Variants in NEK10 observed in about 807,000 individuals in gnomAD.
The protein encoded by NEK10 is serine/threonine-protein kinase Nek10.
NEK10 carries 122 observed loss-of-function variants against 159.8 expected under a neutral mutation model. The ratio of observed to expected loss-of-function variants is 0.76; its 90% CI spans 0.66 to 0.89. The LOEUF (loss-of-function observed/expected upper bound fraction) is 0.89. NEK10 is among the 40% of genes least tolerant of loss of function. The pLI is 0.00. For missense variants in NEK10, 1,342 were observed against 1,323.1 expected, an observed-to-expected ratio of 1.01 and a Z score of -0.22; for synonymous variants, 466 against 457.1, an observed-to-expected ratio of 1.02 and a Z score of -0.25.
chr3:27,203,448 A>G (rs1950217807), intron 23 of NEK10, among the ~76,000 whole-genome samples: 1 of 152,194 alleles, frequency 6.6e-6, no homozygotes. Flanking sequence ...CGGTTCATGA[A>G]TCTATTTTTT....
At chr3:27,325,874 T>A (rs1302775764) in intron 5 of NEK10, among the ~76,000 whole-genome samples, 1 of 152,224 alleles carries the variant, frequency 6.6e-6, no homozygotes, top group African/African-American at 2.4e-5. Flanking sequence ...GCAGCTATGC[T>A]GCCCACCACA....
intron 32 of NEK10, among the ~76,000 whole-genome samples, chr3:27,121,800 T>C (rs1461537274): frequency 6.6e-6 from 1 of 152,084 alleles, no homozygotes. Flanking sequence ...TGGCAGGAGA[T>C]GTAATGTGGC....
At chr3:27,151,407 C>A (rs1330525187) in intron 30 of NEK10, among the ~76,000 whole-genome samples, 1 of 152,140 alleles carries the variant, frequency 6.6e-6, no homozygotes, top group Non-Finnish European at 1.5e-5. Flanking sequence ...AGAGACACAA[C>A]AATCACTGAG....
At chr3:27,167,670 T>C (rs1204325333) in intron 29 of NEK10, among the ~76,000 whole-genome samples, 5 of 152,136 alleles carry the variant, frequency 3.3e-5, no homozygotes, top group African/African-American at 1.2e-4. Context: ...TCCTAGCAAA[T>C]AGTAATAGAT....
At chr3:27,219,235 G>T (rs987143180) in intron 23 of NEK10, among the ~76,000 whole-genome samples, 5 of 152,220 alleles carry the variant, frequency 3.3e-5, no homozygotes, top group Non-Finnish European at 7.3e-5. Context: ...GTTTCCATGG[G>T]AGGGTGCAGC....
chr3:27,137,396 G>A (rs1943330492), intron 31 of NEK10, among the ~76,000 whole-genome samples: 1 of 152,014 alleles, frequency 6.6e-6, no homozygotes, highest in Admixed American at 6.6e-5. Context: ...AGCAAGACAG[G>A]CATATGAAAA....
intron 22 of NEK10, among the ~76,000 whole-genome samples, chr3:27,284,094 AG>A (rs1182117590): frequency 7.2e-5 from 11 of 152,206 alleles, no homozygotes; most frequent in African/African-American, 2.7e-4. Context: ...ATTAAAATTT[AG>A]TAAAATTTGG....
At chr3:27,283,931 GA>G (rs1453412328) in intron 22 of NEK10, among the ~76,000 whole-genome samples, 3 of 152,234 alleles carry the variant, frequency 2.0e-5, no homozygotes, top group East Asian at 3.9e-4. Flanking sequence ...TCTACAGTAA[GA>G]AAAAACCTGA....
intron 23 of NEK10, among the ~76,000 whole-genome samples, chr3:27,204,275 C>CTTTTTTTTTTTTTTTTTTGTTT (rs1950293127): frequency 1.6e-5 from 1 of 64,006 alleles, no homozygotes; most frequent in African/African-American, 5.5e-5. Flanking sequence ...GATAAATTTT[C>CTTTTTTTTTTTTTTTTTTGTTT]TTTTTTTTTT....
intron 30 of NEK10, among the ~76,000 whole-genome samples, chr3:27,152,314 C>A (rs1426218191): frequency 6.6e-6 from 1 of 152,162 alleles, no homozygotes; most frequent in African/African-American, 2.4e-5. Context: ...ACCCTACAAG[C>A]TAGAAGGGAT....
chr3:27,359,778 T>TA (rs1391135173), intron 1 of NEK10, among the ~76,000 whole-genome samples: 1 of 152,222 alleles, frequency 6.6e-6, no homozygotes, highest in East Asian at 1.9e-4. Flanking sequence ...GTTTCTATGT[T>TA]ACGTCTAAAA....
intron 1 of NEK10, among the ~76,000 whole-genome samples, chr3:27,359,548 G>A (rs2048540815): frequency 6.6e-6 from 1 of 152,184 alleles, no homozygotes; most frequent in Admixed American, 6.5e-5. Context: ...CTTTACTGTA[G>A]ATATTTTTCT....
At chr3:27,237,349 G>A (rs2149242885) in intron 23 of NEK10, among the ~76,000 whole-genome samples, 1 of 152,270 alleles carries the variant, frequency 6.6e-6, no homozygotes, top group African/African-American at 2.4e-5. Context: ...ATTAAAGACA[G>A]GCATAAGAAA....
At chr3:27,327,579 T>C (rs2046097321) in intron 5 of NEK10, among the ~76,000 whole-genome samples, 1 of 152,188 alleles carries the variant, frequency 6.6e-6, no homozygotes. Flanking sequence ...TTCAACTTCT[T>C]ACACAGTAAG....
chr3:27,259,791 C>T (rs1038867700), intron 22 of NEK10, among the ~76,000 whole-genome samples: 74 of 152,092 alleles, frequency 4.9e-4, no homozygotes, highest in Non-Finnish European at 8.7e-4. Context: ...TGGCATTGAA[C>T]CTATAAATTA....
At chr3:27,114,391 T>G (rs909206442) in intron 35 of NEK10, among the ~76,000 whole-genome samples, 9 of 152,198 alleles carry the variant, frequency 5.9e-5, no homozygotes, top group African/African-American at 2.2e-4. Flanking sequence ...GGTATATCTT[T>G]AGAAAATGAG....
intron 5 of NEK10, among the ~76,000 whole-genome samples, chr3:27,323,910 C>T (rs1355083500): frequency 1.3e-5 from 2 of 152,212 alleles, no homozygotes; most frequent in East Asian, 1.9e-4. Context: ...CAGCAGCTAG[C>T]AGCTACTCAA....
intron 5 of NEK10, among the ~76,000 whole-genome samples, chr3:27,331,948 A>T (rs1397980757): frequency 6.6e-6 from 1 of 152,206 alleles, no homozygotes; most frequent in South Asian, 2.1e-4. Flanking sequence ...AAGTAAATTA[A>T]TTTTTTTGCA....
intron 30 of NEK10, among the ~76,000 whole-genome samples, chr3:27,147,115 T>C (rs140178744): frequency 6.6e-6 from 1 of 152,210 alleles, no homozygotes; most frequent in Admixed American, 6.5e-5. Context: ...CTTTGGGCCT[T>C]AGTTTCTTCA....
Sources: gnomAD v4.1 joint callset for allele counts (sites outside exome capture counted in the v4.1 genomes callset) on GRCh38, gnomAD v4.1.1 for gene constraint, MANE v1.5 for transcripts, NCBI Gene and HGNC (gene_info 2026-07-23, HGNC 2026-07-21) for gene names.